The following P2RX1 variants were observed in gnomAD, a reference collection of about 807,000 sequenced individuals.
The protein encoded by P2RX1 is P2X purinoceptor 1.
Under a neutral mutation model 50.3 loss-of-function variants are expected in P2RX1, and 42 were observed. That is an observed-to-expected ratio of 0.83 (90% CI 0.65 to 1.08). The LOEUF (loss-of-function observed/expected upper bound fraction) is 1.08. Among genes scored for constraint, P2RX1 ranks in the 50% least tolerant of loss-of-function variants. The probability of loss-of-function intolerance (pLI) is 0.00; values close to 1 mark genes in which losing one functional copy is unlikely to be tolerated. For synonymous variants in P2RX1, 199 were observed against 202.6 expected, an observed-to-expected ratio of 0.98 and a Z score of 0.15; for missense variants, 449 against 529.0, an observed-to-expected ratio of 0.85 and a Z score of 1.48.
intron 2 of P2RX1, 62 bp from the exon 3 acceptor site, chr17:3,904,991 G>T: frequency 1.6e-6 from 2 of 1,277,488 alleles, no homozygotes; most frequent in Non-Finnish European, 2.2e-6. Flanking sequence ...AGCCCCAAGG[G>T]CCCCACCGCT....
At chr17:3,915,836 C>T (rs542470653) in intron 1 of P2RX1, 54 of 635,724 alleles carry the variant, frequency 8.5e-5, no homozygotes, top group East Asian at 6.7e-4. Flanking sequence ...AACACTGAGC[C>T]GGCTCCTCAG....
At chr17:3,911,561 C>A (rs929014443) in intron 1 of P2RX1, among the ~76,000 whole-genome samples, 12 of 147,628 alleles carry the variant, frequency 8.1e-5, no homozygotes, top group Non-Finnish European at 1.2e-4. Flanking sequence ...ATCCCTGCGG[C>A]CTCTTCACAG....
At chr17:3,907,257 C>T (rs866782513) in intron 1 of P2RX1, among the ~76,000 whole-genome samples, 6 of 150,458 alleles carry the variant, frequency 4.0e-5, no homozygotes, top group South Asian at 2.1e-4. Context: ...GCCCCTTCCT[C>T]GAGGAAAGAC....
In P2RX1 at chr17:3,903,348, G is replaced by T. The variant is rs750752218; in HGVS notation, c.606-5C>A. On this transcript the variant is annotated splice_region_variant and splice_polypyrimidine_tract_variant and intron_variant, in intron 6 of 11. Coordinates refer to ENST00000225538, the MANE Select transcript of P2RX1 (RefSeq NM_002558.4). The surrounding 1 kb of genome is among the most constrained non-coding windows in gnomAD (Gnocchi z 4.6). Reference sequence around the variant, plus strand: ...ACCTCCTCCACCAGGTTGCGCCTGTGGGGGTGGAAGGTGTTGACAGCTGCT... The same window carrying T: ...ACCTCCTCCACCAGGTTGCGCCTGTTGGGGTGGAAGGTGTTGACAGCTGCT... The T allele has an allele frequency of 2.5e-5, 41 of 1,614,002 alleles. No homozygotes were observed. Among genetic ancestry groups the T allele is most frequent in the Admixed American group, 5.0e-5 (3 of 60,016 alleles).
At position 3,898,611 on chromosome 17, in the gene P2RX1, C is replaced by T. The variant is rs531870198; in HGVS notation, c.967-62G>A. On this transcript the variant is annotated intron_variant, in intron 9 of 11. Coordinates refer to ENST00000225538, the MANE Select transcript of P2RX1 (RefSeq NM_002558.4). Reference sequence around the variant, plus strand: ...CGGAAGGGGCCCAGCTGGAAAAGGCCGGACCTGGGACAAGGGGACTTCCCC... The same window carrying T: ...CGGAAGGGGCCCAGCTGGAAAAGGCTGGACCTGGGACAAGGGGACTTCCCC... 4.2e-5 allele frequency: 56 copies of T among 1,330,134 alleles called. No homozygotes were observed. In the East Asian group the frequency reaches 4.2e-4, roughly 10 times the overall value. 82.4% of individuals were successfully genotyped at this position (1,330,134 alleles called of 1,614,324 possible). A position where few individuals can be genotyped will look rare whatever the true frequency, so the allele number is the denominator to read the frequency against.
At position 3,903,754 on chromosome 17, in the gene P2RX1, G is replaced by A. The variant is rs900298821; in HGVS notation, c.525-123C>T. 103 of 1,151,906 alleles carry A rather than the reference G, an allele frequency of 8.9e-5. No individual in the cohort carries two copies. In the African/African-American group the frequency reaches 1.2e-3, roughly 14 times the overall value. The allele number at this position is 1,151,906 out of a possible 1,614,324, so 71.4% of individuals were successfully genotyped here. A position where few individuals can be genotyped will look rare whatever the true frequency, so the allele number is the denominator to read the frequency against. The stretch of plus-strand genomic sequence containing the variant: ...GACCCGCCTGCAGCCCTGGGCTGGT[G>A]GAGGGGTGGGTGTGCTCTAGCGTGG... On this transcript the variant is annotated intron_variant, in intron 5 of 11. Coordinates refer to ENST00000225538, the MANE Select transcript of P2RX1 (RefSeq NM_002558.4). The surrounding 1 kb of genome is among the most constrained non-coding windows in gnomAD (Gnocchi z 4.6).
At chr17:3,905,554 C>T (rs1366000984) in intron 1 of P2RX1, among the ~76,000 whole-genome samples, 187 bp from the exon 2 acceptor site, 3 of 152,212 alleles carry the variant, frequency 2.0e-5, no homozygotes, top group African/African-American at 4.8e-5. Context: ...TTCCACGGTG[C>T]TTTTCACTAT....
chr17:3,912,751 G>A (rs918581099), intron 1 of P2RX1, among the ~76,000 whole-genome samples: 3 of 152,124 alleles, frequency 2.0e-5, no homozygotes, highest in South Asian at 2.1e-4. Flanking sequence ...TCTGTTCCCC[G>A]GCACAGCACC....
At chr17:3,899,414 C>T (rs2056094443) in intron 8 of P2RX1, among the ~76,000 whole-genome samples, 1 of 150,526 alleles carries the variant, frequency 6.6e-6, no homozygotes, top group Non-Finnish European at 1.5e-5. Flanking sequence ...TAGTCCTGGC[C>T]AGGTGGGCCT....
At chr17:3,907,858 C>G (rs890680673) in intron 1 of P2RX1, among the ~76,000 whole-genome samples, 2 of 152,024 alleles carry the variant, frequency 1.3e-5, no homozygotes, top group African/African-American at 2.4e-5. Flanking sequence ...GTGTCCAAGC[C>G]AGAAGGAGCT....
At chr17:3,906,617 G>C (rs1235403756) in intron 1 of P2RX1, among the ~76,000 whole-genome samples, 1 of 152,226 alleles carries the variant, frequency 6.6e-6, no homozygotes. Context: ...GGCTTGCAGC[G>C]TCCAGCCCCT....
rs1419685004 is a variant in P2RX1, at chr17:3,899,751, A to G, written c.758T>C (p.Val253Ala). The G allele has an allele frequency of 5.6e-6, 9 of 1,613,626 alleles. No individual in the cohort carries two copies. The highest frequency in any genetic ancestry group is 2.2e-5 in the East Asian group (1 of 44,858). ...ACAGTGCCAGTCGATGGTGATGCCAACCACTCCACCCTGCCAGGGACACAA... is the reference window on the plus strand; with the variant it reads ...ACAGTGCCAGTCGATGGTGATGCCAGCCACTCCACCCTGCCAGGGACACAA... ...FSTLAEKGGV[V>A]GITIDWHCDL... The change falls in exon 8 of 12, where the codon GTT (valine) becomes GCT (alanine). Residue 253 changes from valine to alanine, a missense_variant. By Grantham distance (64) the Val-to-Ala change is moderately conservative (BLOSUM62 0). Coordinates refer to ENST00000225538, the MANE Select transcript of P2RX1 (RefSeq NM_002558.4).
At chr17:3,910,013 C>A (rs954450355) in intron 1 of P2RX1, among the ~76,000 whole-genome samples, 3 of 134,964 alleles carry the variant, frequency 2.2e-5, no homozygotes, top group African/African-American at 8.1e-5. Context: ...CTCGCTCTGT[C>A]CCCCAGACTG....
At chr17:3,905,391 G>A (rs1382017772) in intron 1 of P2RX1, 24 bp from the exon 2 acceptor site, 2 of 1,612,656 alleles carry the variant, frequency 1.2e-6, no homozygotes, top group East Asian at 2.2e-5. Context: ...GACAGAGGGG[G>A]AGTTGTGGTT....
Position 3,904,019 on chromosome 17 carries a change from G to T in P2RX1, c.433C>A (p.Arg145Ser). The T allele has an allele frequency of 6.2e-7, 1 of 1,613,752 alleles. No homozygotes were observed. The highest frequency in any genetic ancestry group is 1.1e-5 in the South Asian group (1 of 91,080). ...GKAKRKAQGIRTGKCVAFNDT... is the reference protein window; with the variant it reads ...GKAKRKAQGISTGKCVAFNDT... ...TTGAAGGCCACACACTTGCCCGTGC[G>T]GATGCCTGGAGCCAGAGGGAAACCC... The change falls in exon 5 of 12, where the codon CGC becomes AGC. Residue 145 changes from arginine (R) to serine (S), a missense_variant. Arg to Ser is a moderately radical substitution (Grantham distance 110, BLOSUM62 -1). Coordinates refer to ENST00000225538, the MANE Select transcript of P2RX1 (RefSeq NM_002558.4).
At chr17:3,908,966 G>A (rs2056315721) in intron 1 of P2RX1, among the ~76,000 whole-genome samples, 1 of 152,180 alleles carries the variant, frequency 6.6e-6, no homozygotes, top group African/African-American at 2.4e-5. Flanking sequence ...GTGAGGCTCT[G>A]CTACAAACTC....
chr17:3,907,563 C>G (rs1291154816), intron 1 of P2RX1, among the ~76,000 whole-genome samples: 1 of 152,140 alleles, frequency 6.6e-6, no homozygotes, highest in Admixed American at 6.5e-5. Flanking sequence ...AGGGAGGCCA[C>G]CCACCAATGT....
At chr17:3,901,445 G>A (rs879503035) in intron 7 of P2RX1, among the ~76,000 whole-genome samples, 18 of 152,122 alleles carry the variant, frequency 1.2e-4, no homozygotes, top group Non-Finnish European at 1.9e-4. Context: ...CCCCCTCCAG[G>A]GGTCAGGAAA....
chr17:3,901,252 A>G (rs944866935), intron 7 of P2RX1, among the ~76,000 whole-genome samples: 12 of 152,188 alleles, frequency 7.9e-5, no homozygotes, highest in South Asian at 2.1e-4. Context: ...TATTTTTAGT[A>G]GAGACGGGGT....
Sources: gnomAD v4.1 joint callset for allele counts (sites outside exome capture counted in the v4.1 genomes callset) on GRCh38, gnomAD v4.1.1 for gene constraint, Gnocchi (gnomAD v3.1) non-coding constraint, MANE v1.5 for transcripts, NCBI Gene and HGNC (gene_info 2026-07-23, HGNC 2026-07-21) for gene names.